PHACTR1: variants seen among roughly 807,000 people sequenced by gnomAD.
PHACTR1 encodes the protein RPEL repeat containing 1.
A neutral mutation model predicts 69.2 loss-of-function variants in PHACTR1; 16 were observed. That is an observed-to-expected ratio of 0.23 (90% confidence interval 0.16 to 0.35). The LOEUF (loss-of-function observed/expected upper bound fraction) is 0.35. Among genes scored for constraint, PHACTR1 ranks in the 10% least tolerant of loss-of-function variants. The pLI, the probability that PHACTR1 is intolerant of heterozygous loss-of-function variation, is 1.00. For missense variants in PHACTR1, 510 were observed against 734.7 expected (o/e 0.69, Z 3.54); for synonymous variants, 312 against 284.5 (o/e 1.10, Z -0.97).
chr6:12,941,055 C>G (rs1272137353), intron 4 of PHACTR1, among the ~76,000 whole-genome samples: 1 of 152,132 alleles, frequency 6.6e-6, no homozygotes, highest in Non-Finnish European at 1.5e-5. Context: ...CGTTATGTTT[C>G]CTGGGCTTTT....
At chr6:13,145,260 A>G (rs1823155855) in intron 5 of PHACTR1, among the ~76,000 whole-genome samples, 1 of 152,224 alleles carries the variant, frequency 6.6e-6, no homozygotes, top group Non-Finnish European at 1.5e-5. Flanking sequence ...GCCTTCCTAA[A>G]TATGGGTATT....
chr6:12,735,179 T>G (rs1764071528), intron 3 of PHACTR1, among the ~76,000 whole-genome samples: 1 of 152,144 alleles, frequency 6.6e-6, no homozygotes, highest in African/African-American at 2.4e-5. Context: ...AGCAGGAGGC[T>G]TTGATGCCTT....
intron 5 of PHACTR1, among the ~76,000 whole-genome samples, chr6:13,061,729 T>A (rs1223428194): frequency 6.6e-6 from 1 of 152,152 alleles, no homozygotes; most frequent in Non-Finnish European, 1.5e-5. Flanking sequence ...CCATTTTCAA[T>A]CGAGGAAAAA....
intron 5 of PHACTR1, among the ~76,000 whole-genome samples, chr6:13,119,946 T>G (rs2127940325): frequency 6.6e-6 from 1 of 152,248 alleles, no homozygotes; most frequent in Admixed American, 6.5e-5. Flanking sequence ...AAACCCACCT[T>G]TATTTATGAG....
intron 4 of PHACTR1, among the ~76,000 whole-genome samples, chr6:12,942,193 A>G (rs1215518755): frequency 1.3e-5 from 2 of 152,222 alleles, no homozygotes; most frequent in African/African-American, 2.4e-5. Flanking sequence ...AAAGAAGGAA[A>G]AAAGAGAAAA....
intron 5 of PHACTR1, among the ~76,000 whole-genome samples, chr6:13,133,783 G>C (rs538308386): frequency 3.2e-4 from 48 of 150,976 alleles, no homozygotes; most frequent in African/African-American, 1.1e-3. Flanking sequence ...GAGCCCCTCT[G>C]CCCGGCCGCC....
At chr6:13,209,456 G>A (rs373422116) in intron 8 of PHACTR1, among the ~76,000 whole-genome samples, 43 of 152,278 alleles carry the variant, frequency 2.8e-4, no homozygotes, top group East Asian at 5.8e-4. Context: ...TCCTTGGACC[G>A]ACCCCCTGTT....
At position 12,784,557 on chromosome 6, in the gene PHACTR1, C is replaced by A. The variant is rs182090112; in HGVS notation, c.250+34767C>A. Among the ~76,000 whole-genome samples, 51 of 151,142 alleles carry A rather than the reference C, an allele frequency of 3.4e-4. 1 individual carries two copies. Among genetic ancestry groups the A allele is most frequent in the South Asian group, 1.7e-3 (8 of 4,804 alleles). Reference sequence around the variant, plus strand: ...TATGTACATATACACACATATATATCTATACACATATACATGATATATACA... The same window carrying A: ...TATGTACATATACACACATATATATATATACACATATACATGATATATACA... On this transcript the variant is annotated intron_variant, in intron 4 of 14. Transcript: ENST00000332995.
Position 13,189,398 on chromosome 6 carries a change from C to CT in PHACTR1, c.664+6722dup, listed in dbSNP as rs1321282206. 1.1e-3 allele frequency among the ~76,000 whole-genome samples: 159 copies of CT among 148,354 alleles called. 1 individual carries two copies. The highest frequency in any genetic ancestry group is 2.5e-3 in the African/African-American group (103 of 40,506). On this transcript the variant is annotated intron_variant, in intron 7 of 14. Transcript: ENST00000332995. ...ATCTCCACCAAAATTCCCACCCCCCCTTTTTTTTTTCTTTTTTTGAGACAG... is the reference window on the plus strand; with the variant it reads ...ATCTCCACCAAAATTCCCACCCCCCCTTTTTTTTTTTCTTTTTTTGAGACAG...
At chr6:13,203,215 A>G (rs1366942402) in intron 7 of PHACTR1, among the ~76,000 whole-genome samples, 1 of 152,206 alleles carries the variant, frequency 6.6e-6, no homozygotes, top group Non-Finnish European at 1.5e-5. Context: ...TCATTCTGTA[A>G]ACATGATTTG....
intron 8 of PHACTR1, among the ~76,000 whole-genome samples, chr6:13,208,553 C>T (rs1766272891): frequency 6.6e-6 from 1 of 152,082 alleles, no homozygotes; most frequent in South Asian, 2.1e-4. Context: ...TGGGTCTTCC[C>T]TCTCCAAGTC....
At chr6:13,049,407 T>C (rs970426566) in intron 4 of PHACTR1, among the ~76,000 whole-genome samples, 1 of 152,240 alleles carries the variant, frequency 6.6e-6, no homozygotes, top group Non-Finnish European at 1.5e-5. Context: ...GAATAATTAC[T>C]ATCTTGATTT....
chr6:13,021,617 C>T (rs990256379), intron 4 of PHACTR1, among the ~76,000 whole-genome samples: 7 of 152,202 alleles, frequency 4.6e-5, no homozygotes, highest in African/African-American at 1.7e-4. Flanking sequence ...TCCAAACTGG[C>T]TGCCCCATTT....
chr6:13,025,722 G>C (rs78764889), intron 4 of PHACTR1, among the ~76,000 whole-genome samples: 5,153 of 123,622 alleles, frequency 0.042, 326 homozygotes, highest in African/African-American at 0.16. Flanking sequence ...TGTGTGTATG[G>C]GTGTGTATGG....
At chr6:13,000,643 G>GAAGGAAGGAAGGAAGGAA (rs1562115334) in intron 4 of PHACTR1, among the ~76,000 whole-genome samples, 1 of 56,458 alleles carries the variant, frequency 1.8e-5, no homozygotes, top group African/African-American at 1.4e-4. Context: ...GAAGGAAGGG[G>GAAGGAAGGAAGGAAGGAA]GGAGGGAGGG....
chr6:13,037,256 T>G (rs1364507271), intron 4 of PHACTR1, among the ~76,000 whole-genome samples: 2 of 152,058 alleles, frequency 1.3e-5, no homozygotes, highest in Non-Finnish European at 2.9e-5. Flanking sequence ...AGAATAGGTA[T>G]CTCTCTCTAA....
Position 13,179,593 on chromosome 6 carries a change from G to C in PHACTR1, c.497-2926G>C, listed in dbSNP as rs911156876. On this transcript the variant is annotated intron_variant, in intron 6 of 14. Coordinates refer to ENST00000332995, the MANE Select transcript of PHACTR1 (RefSeq NM_030948.6). The surrounding 1 kb of genome is among the most constrained non-coding windows in gnomAD (Gnocchi z 4.2). Reference sequence around the variant, plus strand: ...TATTAATAATGAATTTGTACTTATTGAATGGTTTTCATTTCTTTCTACTAG... The same window carrying C: ...TATTAATAATGAATTTGTACTTATTCAATGGTTTTCATTTCTTTCTACTAG... Among the ~76,000 whole-genome samples, 2 of 151,982 alleles carry C rather than the reference G, an allele frequency of 1.3e-5. No individual in the cohort carries two copies. Among genetic ancestry groups the C allele is most frequent in the Non-Finnish European group, 2.9e-5 (2 of 67,994 alleles).
chr6:13,242,569 C>T (rs185303410), intron 10 of PHACTR1, among the ~76,000 whole-genome samples: 2 of 152,290 alleles, frequency 1.3e-5, no homozygotes, highest in African/African-American at 4.8e-5. Context: ...ATGGAGGTCA[C>T]TAATGCCCAT....
intron 4 of PHACTR1, among the ~76,000 whole-genome samples, chr6:12,925,870 G>A (rs1274345882): frequency 6.6e-6 from 1 of 152,004 alleles, no homozygotes; most frequent in Non-Finnish European, 1.5e-5. Context: ...AAATTTCAGG[G>A]GCCTGTCTCT....
Sources: gnomAD v4.1 joint callset for allele counts (sites outside exome capture counted in the v4.1 genomes callset) on GRCh38, gnomAD v4.1.1 for gene constraint, Gnocchi (gnomAD v3.1) non-coding constraint, MANE v1.5 for transcripts, NCBI Gene and HGNC (gene_info 2026-07-23, HGNC 2026-07-21) for gene names.